Variants in RYR3 observed in about 807,000 individuals in gnomAD.
The protein encoded by RYR3 is ryanodine receptor 3.
Under a neutral mutation model 584.3 loss-of-function variants are expected in RYR3, and 207 were observed. The ratio of observed to expected loss-of-function variants is 0.35; its 90% CI spans 0.32 to 0.40. RYR3 has a LOEUF of 0.40. Ranked by LOEUF, RYR3 falls within the 10% of genes least tolerant of loss-of-function variation. The probability of loss-of-function intolerance (pLI) is 1.00; values close to 1 mark genes in which losing one functional copy is unlikely to be tolerated. For missense variants in RYR3, 5,616 were observed against 6,089.2 expected (o/e 0.92, Z 2.59); for synonymous variants, 2,416 against 2,248.5 (o/e 1.07, Z -2.11).
intron 21 of RYR3, among the ~76,000 whole-genome samples, chr15:33,628,824 AGTT>A (rs1440328594): frequency 6.6e-6 from 1 of 152,204 alleles, no homozygotes; most frequent in African/African-American, 2.4e-5. Context: ...TCAGAAAAAA[AGTT>A]GTCATCTCTG....
At chr15:33,630,985 G>A (rs1194202458) in intron 22 of RYR3, among the ~76,000 whole-genome samples, 1 of 152,062 alleles carries the variant, frequency 6.6e-6, no homozygotes, top group Non-Finnish European at 1.5e-5. Context: ...TTTTCATATT[G>A]CCTATGGCTG....
intron 3 of RYR3, among the ~76,000 whole-genome samples, chr15:33,517,981 T>A (rs923417057): frequency 2.0e-5 from 3 of 152,214 alleles, no homozygotes; most frequent in African/African-American, 7.2e-5. Flanking sequence ...TCTGGTTTCA[T>A]GGCACAATTT....
intron 70 of RYR3, among the ~76,000 whole-genome samples, chr15:33,809,494 C>T (rs1310311548): frequency 6.6e-6 from 1 of 152,100 alleles, no homozygotes; most frequent in Admixed American, 6.5e-5. Context: ...CGCCTTGTTT[C>T]CTTGAGCCCA....
At chr15:33,490,533 C>G (rs528063473) in intron 2 of RYR3, among the ~76,000 whole-genome samples, 2 of 152,252 alleles carry the variant, frequency 1.3e-5, no homozygotes, top group East Asian at 3.9e-4. Context: ...CTCACCTCTT[C>G]AATTCCAAGA....
At chr15:33,517,878 G>A (rs1021460427) in intron 3 of RYR3, among the ~76,000 whole-genome samples, 7 of 152,096 alleles carry the variant, frequency 4.6e-5, no homozygotes, top group African/African-American at 1.7e-4. Flanking sequence ...AAATCACCTT[G>A]ATGACAGCAT....
At chr15:33,568,463 A>T (rs2057835852) in intron 12 of RYR3, among the ~76,000 whole-genome samples, 1 of 151,826 alleles carries the variant, frequency 6.6e-6, no homozygotes, top group African/African-American at 2.4e-5. Flanking sequence ...GTTCCGTGAG[A>T]CTTTATTTTT....
At chr15:33,787,527 AAAAC>A (rs1216830638) in intron 66 of RYR3, among the ~76,000 whole-genome samples, 1 of 127,558 alleles carries the variant, frequency 7.8e-6, no homozygotes, top group African/African-American at 2.7e-5. Flanking sequence ...TTAAAAAAAA[AAAAC>A]AAAAACAAAC....
intron 54 of RYR3, 21 bp downstream of exon 54, chr15:33,748,281 G>C: frequency 6.2e-7 from 1 of 1,611,804 alleles, no homozygotes; most frequent in African/African-American, 1.3e-5. Flanking sequence ...ACACCCAGAG[G>C]CCCACGCTGG....
intron 62 of RYR3, among the ~76,000 whole-genome samples, chr15:33,771,525 G>A (rs12591565): frequency 1.3e-5 from 2 of 151,054 alleles, no homozygotes; most frequent in South Asian, 2.1e-4. Context: ...AGGGTGAGAC[G>A]CTGTCTCAAA....
At chr15:33,377,081 C>T (rs1209578416) in intron 1 of RYR3, among the ~76,000 whole-genome samples, 1 of 152,212 alleles carries the variant, frequency 6.6e-6, no homozygotes, top group Non-Finnish European at 1.5e-5. Context: ...GGAAGCAAGG[C>T]AGGCAGCATG....
At chr15:33,497,128 G>A (rs1172599270) in intron 2 of RYR3, among the ~76,000 whole-genome samples, 6 of 152,132 alleles carry the variant, frequency 3.9e-5, no homozygotes, top group South Asian at 2.1e-4. Flanking sequence ...GAGAATACGC[G>A]TTAATTCCCC....
rs543509946 is a variant in RYR3, at chr15:33,841,993, C to G, written c.13167C>G (p.Ala4389=). The change falls in exon 91 of 104, where the codon GCC becomes GCG. Residue 4389 remains alanine, a synonymous_variant. Coordinates refer to ENST00000634891, the MANE Select transcript of RYR3 (RefSeq NM_001036.6). ...QKVEKPEAFT[A]NFFKGLEIYQ... ...TTGAGAAGCCGGAAGCTTTCACAGCCAATTTCTTTAAAGGGCTGGAAATCT... is the reference window on the plus strand; with the variant it reads ...TTGAGAAGCCGGAAGCTTTCACAGCGAATTTCTTTAAAGGGCTGGAAATCT... The G allele has an allele frequency of 3.7e-6, 6 of 1,603,626 alleles. No individual in the cohort carries two copies. The highest frequency in any genetic ancestry group is 5.1e-6 in the Non-Finnish European group (6 of 1,174,976).
At chr15:33,336,998 C>G (rs1055527845) in intron 1 of RYR3, among the ~76,000 whole-genome samples, 12 of 126,760 alleles carry the variant, frequency 9.5e-5, no homozygotes, top group Non-Finnish European at 1.7e-4. Context: ...GTGGAGCTTG[C>G]ATGAGCCGAG....
chr15:33,386,182 A>G (rs2041590126), intron 1 of RYR3, among the ~76,000 whole-genome samples: 1 of 152,140 alleles, frequency 6.6e-6, no homozygotes, highest in Admixed American at 6.5e-5. Context: ...TTTTCTTTCC[A>G]ACACCACCCC....
intron 103 of RYR3, 174 bp from the exon 104 acceptor site, chr15:33,864,957 T>C: frequency 1.8e-6 from 1 of 556,356 alleles, no homozygotes; most frequent in Non-Finnish European, 3.2e-6. Flanking sequence ...GAGACATGGC[T>C]TCTTGCTTCC....
chr15:33,533,288 T>C (rs1279007484), intron 4 of RYR3, 23 bp from the exon 5 acceptor site: 1 of 1,528,612 alleles, frequency 6.5e-7, no homozygotes, highest in South Asian at 1.2e-5. Flanking sequence ...GTGACTTCAC[T>C]AGTATTTGCT....
intron 1 of RYR3, among the ~76,000 whole-genome samples, chr15:33,427,897 G>T (rs2044778847): frequency 6.6e-6 from 1 of 152,218 alleles, no homozygotes. Flanking sequence ...GAATAGCAAA[G>T]GGCAGGCCTT....
chr15:33,791,024 A>G (rs943049116), intron 67 of RYR3, among the ~76,000 whole-genome samples: 1 of 152,252 alleles, frequency 6.6e-6, no homozygotes, highest in Non-Finnish European at 1.5e-5. Flanking sequence ...AGCAGTGTCT[A>G]TGAAGTATTG....
At position 33,767,825 on chromosome 15, in the gene RYR3, G is replaced by A. The variant is rs141256813; in HGVS notation, c.8706-833G>A. On this transcript the variant is annotated intron_variant, in intron 60 of 103. Transcript: ENST00000634891. The stretch of plus-strand genomic sequence containing the variant: ...AGTTCTGAGCAATCTCTTCCCAAGA[G>A]CCTCAGCAACACAGGTCAAATGATG... Among the ~76,000 whole-genome samples, 1,224 of 152,264 alleles carry A rather than the reference G, an allele frequency of 8.0e-3. 24 individuals are homozygous for A. The highest frequency in any genetic ancestry group is 0.028 in the African/African-American group (1,164 of 41,540).
Sources: allele counts gnomAD v4.1 joint callset (sites outside exome capture counted in the v4.1 genomes callset), GRCh38; gene constraint gnomAD v4.1.1; transcripts MANE v1.5; gene names NCBI Gene and HGNC (gene_info 2026-07-23, HGNC 2026-07-21).